PDXK: variants seen among roughly 807,000 people sequenced by gnomAD.
PDXK encodes pyridoxal kinase.
A neutral mutation model predicts 43.2 loss-of-function variants in PDXK; 15 were observed. That is an observed-to-expected ratio of 0.35 (90% CI 0.23 to 0.53). The LOEUF (loss-of-function observed/expected upper bound fraction) is 0.53, where lower values mean the gene tolerates loss of function less well. Among genes scored for constraint, PDXK ranks in the 20% least tolerant of loss-of-function variants. The pLI is 0.92. For missense variants in PDXK, 343 were observed against 417.0 expected, an observed-to-expected ratio of 0.82 and a Z score of 1.54; for synonymous variants, 172 against 165.4, an observed-to-expected ratio of 1.04 and a Z score of -0.31.
intron 6 of PDXK, among the ~76,000 whole-genome samples, chr21:43,749,950 T>C (rs2083705132): frequency 6.6e-6 from 1 of 151,660 alleles, no homozygotes; most frequent in Non-Finnish European, 1.5e-5. Context: ...CCATGAAGAG[T>C]GGAGCTGCCC....
At position 43,748,071 on chromosome 21, in the gene PDXK, CAAAGT is replaced by C. The variant is rs1419567913; in HGVS notation, c.379-923_379-919del. On this transcript the variant is annotated intron_variant, in intron 5 of 10. Coordinates refer to ENST00000291565, the MANE Select transcript of PDXK (RefSeq NM_003681.5). ...GATCTCCAAGGGAGGTTTCCGGGAG[CAAAGT>C]GAAGTGAAGGGATTGGAAACTCAGG... Among the ~76,000 whole-genome samples the C allele has an allele frequency of 2.0e-5, 3 of 152,302 alleles. No individual in the cohort carries two copies. In the East Asian group the frequency reaches 5.8e-4, roughly 29 times the overall value.
intron 1 of PDXK, among the ~76,000 whole-genome samples, chr21:43,725,310 A>G (rs9983004): frequency 0.55 from 83,787 of 151,408 alleles, 24,020 homozygotes; most frequent in South Asian, 0.75. Flanking sequence ...GCGACAGAGC[A>G]AGACTCTCGT....
intron 1 of PDXK, among the ~76,000 whole-genome samples, chr21:43,727,363 G>A (rs973129857): frequency 1.3e-5 from 2 of 148,756 alleles, no homozygotes; most frequent in Non-Finnish European, 3.0e-5. Context: ...GGCCGGCAGC[G>A]CCTCCCTTCC....
intron 1 of PDXK, among the ~76,000 whole-genome samples, chr21:43,721,462 T>C (rs752348633): frequency 6.6e-6 from 1 of 152,210 alleles, no homozygotes; most frequent in Non-Finnish European, 1.5e-5. Flanking sequence ...CTACTTGGAA[T>C]GAGACTGGAG....
At chr21:43,749,868 GTCTT>G (rs1464025577) in intron 6 of PDXK, among the ~76,000 whole-genome samples, 1 of 152,248 alleles carries the variant, frequency 6.6e-6, no homozygotes, top group African/African-American at 2.4e-5. Flanking sequence ...GTTTGAAAAG[GTCTT>G]TCTTTGGGTG....
At chr21:43,724,156 C>T (rs1286547939) in intron 1 of PDXK, among the ~76,000 whole-genome samples, 1 of 152,154 alleles carries the variant, frequency 6.6e-6, no homozygotes, top group Non-Finnish European at 1.5e-5. Flanking sequence ...CGGAGCAGAC[C>T]TGAGACACCT....
At chr21:43,747,867 T>G (rs2147290571) in intron 5 of PDXK, among the ~76,000 whole-genome samples, 1 of 152,340 alleles carries the variant, frequency 6.6e-6, no homozygotes, top group East Asian at 1.9e-4. Flanking sequence ...TGGCCCTCCC[T>G]ACCCAAAATG....
At position 43,737,279 on chromosome 21, in the gene PDXK, G is replaced by T; in HGVS notation, c.142+3156G>T. On this transcript the variant is annotated intron_variant, in intron 2 of 10. Transcript: ENST00000291565. This position sits in a 1 kb window ranked among gnomAD's most constrained non-coding sequence, Gnocchi z 4.8. Reference sequence around the variant, plus strand: ...CAAGTGCCTGCAGAGCCCACCTGGCGCAGGCCTCGCCGCCTCGAGGCTGCT... The same window carrying T: ...CAAGTGCCTGCAGAGCCCACCTGGCTCAGGCCTCGCCGCCTCGAGGCTGCT... 7.1e-7 allele frequency: 1 copy of T among 1,411,264 alleles called. No individual in the cohort carries two copies. Among genetic ancestry groups the T allele is most frequent in the Non-Finnish European group, 9.2e-7 (1 of 1,085,768 alleles). 87.4% of individuals were successfully genotyped at this position (1,411,264 alleles called of 1,614,324 possible).
chr21:43,738,867 G>A (rs559270265), intron 2 of PDXK: 1 of 152,266 alleles, frequency 6.6e-6, no homozygotes, highest in Admixed American at 6.5e-5. Context: ...CCAGAGCTCA[G>A]TGCCTTTTGC....
intron 2 of PDXK, among the ~76,000 whole-genome samples, chr21:43,740,014 GA>G (rs1473475506): frequency 3.3e-5 from 5 of 151,868 alleles, no homozygotes; most frequent in Admixed American, 6.6e-5. Context: ...TGCCCCTCCT[GA>G]CCCCAGTGAC....
chr21:43,719,579 C>T (rs1362778373), intron 1 of PDXK, 198 bp downstream of exon 1: 26 of 982,406 alleles, frequency 2.6e-5, no homozygotes, highest in Non-Finnish European at 3.0e-5. Context: ...GCTGAGCGCT[C>T]TGCGGGCCCC....
At chr21:43,746,464 G>A (rs1281446441) in intron 5 of PDXK, among the ~76,000 whole-genome samples, 1 of 152,096 alleles carries the variant, frequency 6.6e-6, no homozygotes, top group Non-Finnish European at 1.5e-5. Context: ...CAGTCACCCA[G>A]GCTGGAGTGC....
At chr21:43,752,126 T>TGTGC (rs1555885930) in intron 7 of PDXK, among the ~76,000 whole-genome samples, 190 of 130,694 alleles carry the variant, frequency 1.5e-3, no homozygotes, top group Non-Finnish European at 1.8e-3. Flanking sequence ...TGTGTGTGTG[T>TGTGC]GCGCGCGCGT....
Position 43,719,644 on chromosome 21 carries a change from A to G in PDXK, c.87+263A>G, listed in dbSNP as rs578088292. ...ACGCGGGTAGGAGGGAGCCCTGTGC[A>G]CCAGCTATGGCGCAGCCGCTCGTCC... is the stretch of plus-strand genomic sequence containing the variant. On this transcript the variant is annotated intron_variant, in intron 1 of 10. Coordinates refer to ENST00000291565, the MANE Select transcript of PDXK (RefSeq NM_003681.5). 15 of 985,358 alleles carry G rather than the reference A, an allele frequency of 1.5e-5. No individual in the cohort carries two copies. The East Asian group carries it at 1.4e-3, about 90-fold the overall frequency. 61.0% of individuals were successfully genotyped at this position (985,358 alleles called of 1,614,324 possible). A position where few individuals can be genotyped will look rare whatever the true frequency, so the allele number is the denominator to read the frequency against.
Position 43,723,118 on chromosome 21 carries a change from A to G in PDXK, c.87+3737A>G, listed in dbSNP as rs1045623059. Among the ~76,000 whole-genome samples the G allele has an allele frequency of 6.8e-6, 1 of 148,014 alleles. No homozygotes were observed. The highest frequency in any genetic ancestry group is 1.5e-5 in the Non-Finnish European group (1 of 67,164). ...CTCCCAAAGTACTGGGATTACAGGC[A>G]TGGGGCCACCACGCCTGGCCTTCTT... On this transcript the variant is annotated intron_variant, in intron 1 of 10. Coordinates refer to ENST00000291565, the MANE Select transcript of PDXK (RefSeq NM_003681.5). The surrounding 1 kb of genome is among the most constrained non-coding windows in gnomAD (Gnocchi z 4.1).
intron 2 of PDXK, among the ~76,000 whole-genome samples, chr21:43,739,804 G>A (rs981411200): frequency 7.2e-5 from 11 of 151,866 alleles, no homozygotes; most frequent in African/African-American, 2.7e-4. Context: ...ATGTGCAGCA[G>A]TGGTGAGTCC....
chr21:43,746,442 C>G (rs557542910), intron 5 of PDXK, among the ~76,000 whole-genome samples: 28 of 151,732 alleles, frequency 1.8e-4, no homozygotes. Flanking sequence ...CTTATTGAGA[C>G]AGAGTCTCAC....
rs765382100 is a variant in PDXK at position 43,754,146 on chromosome 21, G to C, written c.759+427G>C. 6.6e-6 allele frequency among the ~76,000 whole-genome samples: 1 copy of C among 152,202 alleles called. No individual in the cohort carries two copies. Among genetic ancestry groups the C allele is most frequent in the Non-Finnish European group, 1.5e-5 (1 of 68,030 alleles). On this transcript the variant is annotated intron_variant, in intron 9 of 10. Coordinates refer to ENST00000291565, the MANE Select transcript of PDXK (RefSeq NM_003681.5). This position sits in a 1 kb window ranked among gnomAD's most constrained non-coding sequence, Gnocchi z 5.5. ...TGACCACGGCAGTGACCTGAGGGAC[G>C]GAAAGGCCGGAGCCGCCCTTCGGGG...
chr21:43,752,834 T>C (rs2083777436), intron 8 of PDXK, among the ~76,000 whole-genome samples: 1 of 152,208 alleles, frequency 6.6e-6, no homozygotes, highest in Non-Finnish European at 1.5e-5. Context: ...TGGCTGGAAC[T>C]GGCTTCCACG....
Sources: allele counts gnomAD v4.1 joint callset (sites outside exome capture counted in the v4.1 genomes callset), GRCh38; gene constraint gnomAD v4.1.1; non-coding constraint Gnocchi (gnomAD v3.1); transcripts MANE v1.5; gene names NCBI Gene and HGNC (gene_info 2026-07-23, HGNC 2026-07-21).